Variants in ENTPD6 observed in about 807,000 individuals in gnomAD.
ENTPD6 encodes CD39 antigen-like 2.
Under a neutral mutation model 61.5 loss-of-function variants are expected in ENTPD6, and 46 were observed. That is an observed-to-expected ratio of 0.75 (90% CI 0.59 to 0.96). The LOEUF (loss-of-function observed/expected upper bound fraction) is 0.96, where lower values mean the gene tolerates loss of function less well. Ranked by LOEUF, ENTPD6 falls within the 40% of genes least tolerant of loss-of-function variation. The probability of loss-of-function intolerance (pLI) is 0.00; values close to 1 mark genes in which losing one functional copy is unlikely to be tolerated. For missense variants in ENTPD6, 612 were observed against 629.0 expected, an observed-to-expected ratio of 0.97 and a Z score of 0.29; for synonymous variants, 252 against 255.5, an observed-to-expected ratio of 0.99 and a Z score of 0.13.
intron 2 of ENTPD6, 109 bp from the exon 3 acceptor site, chr20:25,206,967 C>A: frequency 1.0e-6 from 1 of 953,850 alleles, no homozygotes; most frequent in Non-Finnish European, 1.6e-6. Flanking sequence ...GGGGGGAACA[C>A]GGAGCAGTTT....
In ENTPD6 at chr20:25,206,588, C is replaced by A. The variant is rs142436071; in HGVS notation, c.52C>A (p.Gln18Lys). 2.3e-3 allele frequency: 3,770 copies of A among 1,612,156 alleles called. 8 individuals carry two copies. Among genetic ancestry groups the A allele is most frequent in the Middle Eastern group, 0.011 (68 of 6,060 alleles). The change falls in exon 2 of 15, where the codon CAG becomes AAG. Residue 18 changes from glutamine (Q) to lysine (K), a missense_variant and splice_region_variant. Coordinates refer to ENST00000376652, the MANE Select transcript of ENTPD6 (RefSeq NM_001247.5). The part of the protein sequence containing the change: ...ETSRKTSYIF[Q>K]QPQHGPWQTR... ...TTCCAGAAAAACGAGCTACATTTTT[C>A]AGGTTTGTCTGGGGCTCTCAGTAGT...
At position 25,196,542 on chromosome 20, in the gene ENTPD6, GCAAAGTGC is replaced by G. The variant is rs1433520936; in HGVS notation, c.-16+676_-16+683del. 2.0e-5 allele frequency among the ~76,000 whole-genome samples: 3 copies of G among 152,320 alleles called. No homozygotes were observed. In the East Asian group the frequency reaches 5.8e-4, roughly 29 times the overall value. ...TTTTATTATAAGTGCACCTGTAAGT[GCAAAGTGC>G]AAAGGAAGCAGCCGCCGGGAAGTGC... On this transcript the variant is annotated intron_variant, in intron 1 of 14. Transcript: ENST00000376652.
In ENTPD6 at chr20:25,207,369, C is replaced by T. The variant is rs374181395; in HGVS notation, c.348C>T (p.His116=). 2.0e-5 allele frequency: 31 copies of T among 1,542,060 alleles called. No individual in the cohort carries two copies. Among genetic ancestry groups the T allele is most frequent in the African/African-American group, 4.1e-5 (3 of 73,082 alleles). ...CAGGAAGCACTGGCACCCGAGTACA[C>T]GTCTTCCAGTTCACCCGGCCCCCCA... is the stretch of plus-strand genomic sequence containing the variant. ...FDAGSTGTRV[H]VFQFTRPPRE... The change falls in exon 3 of 15, where the codon CAC becomes CAT. Residue 116 remains histidine, a synonymous_variant. Transcript: ENST00000376652.
chr20:25,222,694 T>G, intron 11 of ENTPD6, 144 bp from the exon 12 acceptor site: 3 of 1,054,058 alleles, frequency 2.8e-6, no homozygotes, highest in Non-Finnish European at 4.1e-6. Flanking sequence ...AGCCCCAACT[T>G]GGGGTGGGGT....
At chr20:25,210,403 T>C (rs1354382963) in intron 4 of ENTPD6, among the ~76,000 whole-genome samples, 2 of 151,054 alleles carry the variant, frequency 1.3e-5, no homozygotes, top group Admixed American at 1.3e-4. Context: ...CCCAGCACTT[T>C]GGGAGGCTGG....
At position 25,225,667 on chromosome 20, in the gene ENTPD6, A is replaced by G; in HGVS notation, c.*70A>G. 1 of 1,339,334 alleles carries G rather than the reference A, an allele frequency of 7.5e-7. No homozygotes were observed. The highest frequency in any genetic ancestry group is 1.5e-5 in the African/African-American group (1 of 68,436). 83.0% of individuals were successfully genotyped at this position (1,339,334 alleles called of 1,614,324 possible). Reference sequence around the variant, plus strand: ...CATAAACCCTCCTGTCCTGGACGTGACTTCATCCTGAGGAGCCACAGCACA... The same window carrying G: ...CATAAACCCTCCTGTCCTGGACGTGGCTTCATCCTGAGGAGCCACAGCACA... On this transcript the variant is annotated 3_prime_UTR_variant, in exon 15 of 15. Transcript: ENST00000376652.
chr20:25,209,214 A>G (rs1316904039), intron 3 of ENTPD6, among the ~76,000 whole-genome samples: 2 of 150,958 alleles, frequency 1.3e-5, no homozygotes, highest in Admixed American at 1.3e-4. Flanking sequence ...GGTTCATGCC[A>G]TTCTCCTGCC....
Position 25,207,327 on chromosome 20 carries a change from C to T in ENTPD6, c.306C>T (p.Tyr102=), listed in dbSNP as rs778142512. Residue 102 remains tyrosine, a synonymous_variant, in exon 3 of 15, where the codon TAC becomes TAT. Coordinates refer to ENST00000376652, the MANE Select transcript of ENTPD6 (RefSeq NM_001247.5). The part of the protein sequence containing the change: ...GTAADGHEVF[Y]GIMFDAGSTG... ...CTGCAGACGGGCACGAGGTCTTCTA[C>T]GGGATCATGTTTGATGCAGGAAGCA... 5.5e-5 allele frequency: 88 copies of T among 1,590,810 alleles called. No homozygotes were observed. Among genetic ancestry groups the T allele is most frequent in the Non-Finnish European group, 6.8e-5 (79 of 1,164,032 alleles).
chr20:25,221,367 G>A (rs373009622), intron 11 of ENTPD6, 34 bp downstream of exon 11: 56 of 1,531,448 alleles, frequency 3.7e-5, no homozygotes, highest in African/African-American at 1.4e-4. Context: ...TGGTTTCTGC[G>A]GGTGAGAGTG....
chr20:25,200,588 G>A (rs2090954681), intron 1 of ENTPD6, among the ~76,000 whole-genome samples: 1 of 152,016 alleles, frequency 6.6e-6, no homozygotes, highest in African/African-American at 2.4e-5. Flanking sequence ...ACAGTTGTTC[G>A]TAGTACTCTC....
chr20:25,214,801 C>A lies in ENTPD6; in HGVS notation c.598-66C>A, dbSNP rs1364393087. ...CTGCTTCACTTGACTAGCTAGCTAGCTAAATAAATAAATATATTCATTCAT... is the reference window on the plus strand; with the variant it reads ...CTGCTTCACTTGACTAGCTAGCTAGATAAATAAATAAATATATTCATTCAT... On this transcript the variant is annotated intron_variant, in intron 5 of 14. Coordinates refer to ENST00000376652, the MANE Select transcript of ENTPD6 (RefSeq NM_001247.5). 4 of 1,014,256 alleles carry A rather than the reference C, an allele frequency of 3.9e-6. No homozygotes were observed. The Admixed American group carries it at 5.2e-5, about 13-fold the overall frequency. 62.8% of individuals were successfully genotyped at this position (1,014,256 alleles called of 1,614,324 possible).
chr20:25,216,475 C>T (rs1452214049), intron 7 of ENTPD6, among the ~76,000 whole-genome samples, 173 bp from the exon 8 acceptor site: 1 of 152,164 alleles, frequency 6.6e-6, no homozygotes, highest in Admixed American at 6.5e-5. Context: ...GCTGGTGGAG[C>T]CATTACTCTT....
At chr20:25,209,402 G>A (rs2091789467) in intron 3 of ENTPD6, among the ~76,000 whole-genome samples, 1 of 151,896 alleles carries the variant, frequency 6.6e-6, no homozygotes, top group Non-Finnish European at 1.5e-5. Flanking sequence ...GAGCCACCGT[G>A]CCTGGCCGTA....
chr20:25,205,511 A>G (rs6083777), intron 1 of ENTPD6, among the ~76,000 whole-genome samples: 43,780 of 102,002 alleles, frequency 0.43, 9,417 homozygotes, highest in African/African-American at 0.65. Context: ...CACAGGGGCC[A>G]GCAGGGACAG....
At chr20:25,224,893 T>A (rs2092751796) in intron 13 of ENTPD6, 1 of 390,388 alleles carries the variant, frequency 2.6e-6, no homozygotes, top group Admixed American at 4.2e-5. Context: ...GCTTAGGTTT[T>A]ATGCAGCTTG....
chr20:25,212,068 C>T (rs2092002638), intron 4 of ENTPD6, among the ~76,000 whole-genome samples: 1 of 152,172 alleles, frequency 6.6e-6, no homozygotes, highest in Non-Finnish European at 1.5e-5. Context: ...CCTCGGCCTC[C>T]CAAGATGAAT....
At position 25,225,656 on chromosome 20, in the gene ENTPD6, T is replaced by C; in HGVS notation, c.*59T>C. On this transcript the variant is annotated 3_prime_UTR_variant, in exon 15 of 15. Transcript: ENST00000376652. ...CTGTGTGTCTGCATAAACCCTCCTG[T>C]CCTGGACGTGACTTCATCCTGAGGA... is the stretch of plus-strand genomic sequence containing the variant. 1 of 1,428,244 alleles carries C rather than the reference T, an allele frequency of 7.0e-7. No individual in the cohort carries two copies. The highest frequency in any genetic ancestry group is 9.7e-7 in the Non-Finnish European group (1 of 1,026,060). The allele number at this position is 1,428,244 out of a possible 1,614,324, so 88.5% of individuals were successfully genotyped here.
rs755202116 is a variant in ENTPD6, at chr20:25,217,612, G to A, written c.878+31G>A. The A allele has an allele frequency of 3.8e-5, 61 of 1,595,944 alleles. No homozygotes were observed. In the Admixed American group the frequency reaches 7.7e-4, roughly 20 times the overall value. On this transcript the variant is annotated intron_variant, in intron 9 of 14. Coordinates refer to ENST00000376652, the MANE Select transcript of ENTPD6 (RefSeq NM_001247.5). ...CTTTCGGGAACAGGCGTGGGGAGGC[G>A]CCATGGGGTGGGTATGCAGCTCCCA...
At chr20:25,214,383 G>A (rs113754674) in intron 5 of ENTPD6, among the ~76,000 whole-genome samples, 9 of 152,362 alleles carry the variant, frequency 5.9e-5, no homozygotes, top group East Asian at 1.9e-4. Context: ...GAAGGTGGCC[G>A]TCTGCCTTAG....
Sources: gnomAD v4.1 joint callset for allele counts (sites outside exome capture counted in the v4.1 genomes callset) on GRCh38, gnomAD v4.1.1 for gene constraint, MANE v1.5 for transcripts, NCBI Gene and HGNC (gene_info 2026-07-23, HGNC 2026-07-21) for gene names.